The following WWOX variants were observed in gnomAD, a reference collection of about 807,000 sequenced individuals.
WWOX encodes the protein WW domain-containing oxidoreductase.
A neutral mutation model predicts 46.2 loss-of-function variants in WWOX; 69 were observed. That is an observed-to-expected ratio of 1.49 (90% CI 1.23 to 1.82). The LOEUF is 1.82. Among genes scored for constraint, WWOX ranks in the 40% most tolerant of loss-of-function variants. The probability of loss-of-function intolerance (pLI) is 0.00; values close to 1 mark genes in which losing one functional copy is unlikely to be tolerated. For synonymous variants in WWOX, 359 were observed against 202.6 expected, an observed-to-expected ratio of 1.77 and a Z score of -6.56; for missense variants, 919 against 542.6, an observed-to-expected ratio of 1.69 and a Z score of -6.89.
chr16:78,311,611 G>C (rs2080245510), intron 5 of WWOX, among the ~76,000 whole-genome samples: 1 of 152,176 alleles, frequency 6.6e-6, no homozygotes, highest in African/African-American at 2.4e-5. Context: ...GCAGATGAGT[G>C]GGCCTAAAGA....
intron 8 of WWOX, among the ~76,000 whole-genome samples, chr16:79,201,928 C>A (rs1024367682): frequency 6.6e-6 from 1 of 152,194 alleles, no homozygotes; most frequent in Non-Finnish European, 1.5e-5. Context: ...TTGATCAAAT[C>A]ATTTCCATGA....
intron 4 of WWOX, among the ~76,000 whole-genome samples, chr16:78,128,424 C>G (rs1343595898): frequency 1.3e-5 from 2 of 152,158 alleles, no homozygotes; most frequent in Non-Finnish European, 2.9e-5. Flanking sequence ...GAGGCAGAAA[C>G]TTCTGTGGGT....
At chr16:78,697,214 C>T (rs2048119158) in intron 8 of WWOX, among the ~76,000 whole-genome samples, 1 of 152,200 alleles carries the variant, frequency 6.6e-6, no homozygotes, top group East Asian at 1.9e-4. Flanking sequence ...GGTAGTTCTA[C>T]TTTTAGTTCT....
At chr16:78,210,502 G>GAC (rs2036527022) in intron 5 of WWOX, among the ~76,000 whole-genome samples, 1 of 151,830 alleles carries the variant, frequency 6.6e-6, no homozygotes. Flanking sequence ...CACACACACA[G>GAC]ACACACACTC....
At chr16:78,842,973 C>T (rs189377384) in intron 8 of WWOX, among the ~76,000 whole-genome samples, 42 of 150,294 alleles carry the variant, frequency 2.8e-4, no homozygotes, top group Admixed American at 2.7e-3. Flanking sequence ...CCCACAGGCA[C>T]GCTTCACAGG....
chr16:78,261,576 C>G (rs1223061939), intron 5 of WWOX, among the ~76,000 whole-genome samples: 1 of 149,912 alleles, frequency 6.7e-6, no homozygotes, highest in Non-Finnish European at 1.5e-5. Flanking sequence ...GCATATATAC[C>G]TGCAAGCATT....
chr16:79,178,381 G>A (rs538101410), intron 8 of WWOX, among the ~76,000 whole-genome samples: 2 of 152,154 alleles, frequency 1.3e-5, no homozygotes, highest in East Asian at 3.9e-4. Context: ...CAGTGGTGCG[G>A]TCACAGCTCA....
chr16:78,984,593 G>A (rs886401888), intron 8 of WWOX, among the ~76,000 whole-genome samples: 5 of 152,214 alleles, frequency 3.3e-5, no homozygotes, highest in African/African-American at 1.2e-4. Flanking sequence ...TGTTCGGAGA[G>A]ATACTGACAT....
intron 8 of WWOX, among the ~76,000 whole-genome samples, chr16:78,610,688 T>A (rs1186980997): frequency 6.6e-6 from 1 of 152,144 alleles, no homozygotes; most frequent in Non-Finnish European, 1.5e-5. Context: ...GTTTTTATAT[T>A]AGGTCTGAGA....
intron 5 of WWOX, among the ~76,000 whole-genome samples, chr16:78,381,927 A>G (rs529206521): frequency 6.6e-6 from 1 of 152,250 alleles, no homozygotes; most frequent in South Asian, 2.1e-4. Flanking sequence ...GTGCAGTGGC[A>G]CGATCATGTC....
intron 8 of WWOX, among the ~76,000 whole-genome samples, chr16:78,582,556 C>A (rs1373269048): frequency 1.3e-5 from 2 of 152,070 alleles, no homozygotes; most frequent in South Asian, 2.1e-4. Flanking sequence ...TATGTGCAAT[C>A]CTTGTGTTTC....
chr16:78,499,713 T>A (rs1235308958), intron 8 of WWOX, among the ~76,000 whole-genome samples: 2 of 152,210 alleles, frequency 1.3e-5, no homozygotes, highest in Admixed American at 6.5e-5. Context: ...TTATTTTTTT[T>A]AATCTGTAGC....
chr16:78,791,626 C>G (rs149819669), intron 8 of WWOX, among the ~76,000 whole-genome samples: 1,797 of 152,074 alleles, frequency 0.012, 20 homozygotes, highest in South Asian at 0.04. Flanking sequence ...ACCTGTAATC[C>G]CAGCACTTTG....
intron 5 of WWOX, among the ~76,000 whole-genome samples, chr16:78,252,100 A>G (rs1597403354): frequency 6.6e-6 from 1 of 152,174 alleles, no homozygotes; most frequent in Admixed American, 6.5e-5. Flanking sequence ...GTCATCAGCT[A>G]TGATCTGAGG....
intron 8 of WWOX, among the ~76,000 whole-genome samples, chr16:78,517,605 A>C (rs2043263969): frequency 6.6e-6 from 1 of 152,154 alleles, no homozygotes. Flanking sequence ...AAACTGAAGT[A>C]TCCCTCTGCG....
At chr16:78,763,815 T>C (rs2049855661) in intron 8 of WWOX, among the ~76,000 whole-genome samples, 1 of 152,242 alleles carries the variant, frequency 6.6e-6, no homozygotes, top group South Asian at 2.1e-4. Flanking sequence ...GAAGCATAAT[T>C]GTCAGCATAG....
At chr16:79,171,615 C>T (rs577628813) in intron 8 of WWOX, among the ~76,000 whole-genome samples, 1 of 152,310 alleles carries the variant, frequency 6.6e-6, no homozygotes, top group Admixed American at 6.5e-5. Context: ...AAGAGTATCT[C>T]AGTGTTGAGT....
intron 8 of WWOX, among the ~76,000 whole-genome samples, chr16:78,908,672 C>G (rs1018601258): frequency 7.2e-5 from 11 of 152,030 alleles, no homozygotes; most frequent in African/African-American, 2.2e-4. Context: ...AGAAGAGGGT[C>G]AGGGAATGGG....
At chr16:78,377,752 A>G (rs2081864148) in intron 5 of WWOX, among the ~76,000 whole-genome samples, 1 of 152,220 alleles carries the variant, frequency 6.6e-6, no homozygotes, top group Non-Finnish European at 1.5e-5. Context: ...AAATATTGCC[A>G]ATTACTGTCT....
Sources: gnomAD v4.1 joint callset for allele counts (sites outside exome capture counted in the v4.1 genomes callset) on GRCh38, gnomAD v4.1.1 for gene constraint, MANE v1.5 for transcripts, NCBI Gene and HGNC (gene_info 2026-07-23, HGNC 2026-07-21) for gene names.